POFUT3: variants seen among roughly 807,000 people sequenced by gnomAD.
The protein encoded by POFUT3 is protein O-fucosyltransferase 3.
the POFUT3 span, among the ~76,000 whole-genome samples, chr8:33,316,194 A>G: frequency 6.6e-6 from 1 of 152,064 alleles, no homozygotes; most frequent in African/African-American, 2.4e-5. Flanking sequence ...AACCCTTTGA[A>G]GTGGACTTAA....
At chr8:33,324,694 C>CTAT in the POFUT3 span, among the ~76,000 whole-genome samples, 14 of 151,948 alleles carry the variant, frequency 9.2e-5, no homozygotes, top group South Asian at 2.3e-3. Context: ...CAAATGTTGG[C>CTAT]TATTATTATT....
At chr8:33,329,936 G>A in the POFUT3 span, among the ~76,000 whole-genome samples, 382 of 152,096 alleles carry the variant, frequency 2.5e-3, 1 homozygote, top group African/African-American at 8.7e-3. Context: ...AATAATAGAA[G>A]GAAGGTCTTC....
the POFUT3 span, among the ~76,000 whole-genome samples, chr8:33,409,782 G>C: frequency 6.6e-6 from 1 of 152,186 alleles, no homozygotes; most frequent in Non-Finnish European, 1.5e-5. Flanking sequence ...GTACACACCT[G>C]TAATCCCAGC....
chr8:33,336,063 A>G, the POFUT3 span, among the ~76,000 whole-genome samples: 2 of 152,198 alleles, frequency 1.3e-5, no homozygotes, highest in African/African-American at 4.8e-5. Context: ...ATACTGAAAG[A>G]CTATTTCTTC....
chr8:33,426,430 T>A, the POFUT3 span, among the ~76,000 whole-genome samples: 1 of 152,120 alleles, frequency 6.6e-6, no homozygotes, highest in Non-Finnish European at 1.5e-5. Flanking sequence ...ACTTTAGGAA[T>A]GAAAGCACAG....
chr8:33,461,297 T>C, the POFUT3 span: 1 of 1,475,410 alleles, frequency 6.8e-7, no homozygotes, highest in Non-Finnish European at 9.1e-7. Context: ...ATAATTGGAG[T>C]TTTGAGAAAA....
At chr8:33,407,155 G>T in the POFUT3 span, among the ~76,000 whole-genome samples, 2 of 152,146 alleles carry the variant, frequency 1.3e-5, no homozygotes, top group East Asian at 3.8e-4. Context: ...AAATGCCAGA[G>T]ATTTCATCTA....
At chr8:33,310,968 T>C in the POFUT3 span, among the ~76,000 whole-genome samples, 1 of 152,250 alleles carries the variant, frequency 6.6e-6, no homozygotes, top group Non-Finnish European at 1.5e-5. Context: ...CATCAGAGAC[T>C]TAAGCTATTT....
the POFUT3 span, among the ~76,000 whole-genome samples, chr8:33,403,686 CA>C: frequency 6.6e-6 from 1 of 152,144 alleles, no homozygotes; most frequent in Non-Finnish European, 1.5e-5. Context: ...TATACCACCG[CA>C]TCCCAGCCTG....
the POFUT3 span, chr8:33,389,022 C>T: frequency 2.5e-6 from 4 of 1,614,026 alleles, no homozygotes; most frequent in East Asian, 2.2e-5. Flanking sequence ...TCAAATGCAT[C>T]GATGTAATTG....
the POFUT3 span, among the ~76,000 whole-genome samples, chr8:33,457,570 T>C: frequency 6.6e-6 from 1 of 152,094 alleles, no homozygotes; most frequent in Admixed American, 6.6e-5. Context: ...TGGCCTATCA[T>C]ACAGAGAATA....
the POFUT3 span, among the ~76,000 whole-genome samples, chr8:33,392,604 T>C: frequency 6.6e-6 from 1 of 151,398 alleles, no homozygotes; most frequent in African/African-American, 2.4e-5. Context: ...ATAAAATAAA[T>C]AAAAACACGT....
chr8:33,383,300 T>A, the POFUT3 span, among the ~76,000 whole-genome samples: 1 of 152,152 alleles, frequency 6.6e-6, no homozygotes, highest in African/African-American at 2.4e-5. Context: ...CAGGTTAAGA[T>A]CGTTGGTACC....
At chr8:33,409,406 T>C in the POFUT3 span, among the ~76,000 whole-genome samples, 2 of 152,286 alleles carry the variant, frequency 1.3e-5, no homozygotes, top group South Asian at 4.1e-4. Flanking sequence ...CCCGGCCTGA[T>C]CTGTGGTCAT....
the POFUT3 span, among the ~76,000 whole-genome samples, chr8:33,419,415 GA>G: frequency 2.6e-5 from 4 of 152,268 alleles, no homozygotes; most frequent in South Asian, 8.3e-4. Context: ...TACTCACAAG[GA>G]GCAAGTAATC....
the POFUT3 span, among the ~76,000 whole-genome samples, chr8:33,382,976 C>T: frequency 2.0e-5 from 3 of 152,076 alleles, no homozygotes; most frequent in Non-Finnish European, 4.4e-5. Flanking sequence ...ACACGTGCAA[C>T]CCAAAAGGTA....
chr8:33,434,772 C>A, the POFUT3 span, among the ~76,000 whole-genome samples: 1 of 151,936 alleles, frequency 6.6e-6, no homozygotes, highest in African/African-American at 2.4e-5. Context: ...ATGTGCACCT[C>A]CACCCCTGCT....
chr8:33,468,790 A>C, the POFUT3 span, among the ~76,000 whole-genome samples: 2 of 152,192 alleles, frequency 1.3e-5, no homozygotes. Context: ...TTGATTGGAT[A>C]TCTCTCCTGA....
At chr8:33,389,488 G>T in the POFUT3 span, 5 of 1,614,192 alleles carry the variant, frequency 3.1e-6, no homozygotes, top group Non-Finnish European at 4.2e-6. Context: ...CGCGAACATA[G>T]CTGTCCCTGT....
Sources: allele counts gnomAD v4.1 joint callset (sites outside exome capture counted in the v4.1 genomes callset), GRCh38; gene constraint gnomAD v4.1.1; transcripts MANE v1.5; gene names NCBI Gene and HGNC (gene_info 2026-07-23, HGNC 2026-07-21).